The following ROBO2 variants were observed in gnomAD, a reference collection of about 807,000 sequenced individuals.
The protein encoded by ROBO2 is roundabout homolog 2.
Under a neutral mutation model 160.8 loss-of-function variants are expected in ROBO2, and 53 were observed. The observed-to-expected ratio is 0.33, with a 90% CI of 0.26 to 0.41. The LOEUF (loss-of-function observed/expected upper bound fraction) is 0.41. Ranked by LOEUF, ROBO2 falls within the 10% of genes least tolerant of loss-of-function variation. ROBO2 has a pLI of 1.00. For missense variants in ROBO2, 1,577 were observed against 1,722.4 expected, an observed-to-expected ratio of 0.92 and a Z score of 1.49; for synonymous variants, 664 against 611.7, an observed-to-expected ratio of 1.09 and a Z score of -1.26.
At chr3:76,105,386 G>A (rs1225978511) in intron 2 of ROBO2, among the ~76,000 whole-genome samples, 1 of 152,078 alleles carries the variant, frequency 6.6e-6, no homozygotes, top group Non-Finnish European at 1.5e-5. Flanking sequence ...CTTAAGAAAT[G>A]GAACATGTTG....
chr3:76,622,235 G>GAA (rs1343648585), intron 2 of ROBO2, among the ~76,000 whole-genome samples: 1 of 44,792 alleles, frequency 2.2e-5, no homozygotes, highest in Non-Finnish European at 4.2e-5. Flanking sequence ...AGGAAGGAAG[G>GAA]AAGAAAGAAA....
chr3:75,949,536 A>G (rs1337304745), intron 2 of ROBO2, among the ~76,000 whole-genome samples: 1 of 152,092 alleles, frequency 6.6e-6, no homozygotes, highest in Non-Finnish European at 1.5e-5. Context: ...TGTTCACTCA[A>G]CATGGACTGG....
chr3:76,066,178 A>T (rs995930804), intron 2 of ROBO2, among the ~76,000 whole-genome samples: 7 of 152,106 alleles, frequency 4.6e-5, no homozygotes, highest in African/African-American at 1.7e-4. Flanking sequence ...GTCATGATGA[A>T]TCATATTATA....
chr3:75,998,451 CA>C (rs1293757861), intron 2 of ROBO2, among the ~76,000 whole-genome samples: 8 of 152,288 alleles, frequency 5.3e-5, no homozygotes, highest in Middle Eastern at 3.4e-3. Flanking sequence ...TTTAAATGCA[CA>C]CTTACTGTGC....
intron 2 of ROBO2, among the ~76,000 whole-genome samples, chr3:76,209,004 C>T (rs923730176): frequency 2.0e-5 from 3 of 152,126 alleles, no homozygotes; most frequent in East Asian, 1.9e-4. Flanking sequence ...TTTATTACTA[C>T]TCCCAGGAAA....
At chr3:77,418,594 A>G (rs1377219003) in intron 2 of ROBO2, among the ~76,000 whole-genome samples, 1 of 152,108 alleles carries the variant, frequency 6.6e-6, no homozygotes, top group African/African-American at 2.4e-5. Flanking sequence ...AGCCACAAAG[A>G]AAAGTATTGT....
chr3:76,326,603 T>TTTTA lies in ROBO2; in HGVS notation c.109+389021_109+389024dup, dbSNP rs199582640. On this transcript the variant is annotated intron_variant, in intron 2 of 26. Coordinates refer to the ROBO2 transcript ENST00000487694. ...TTTATTCATATGCAGAATTATTATCTTTTATTTATTTATTTATTTATTTTT... is the reference window on the plus strand; with the variant it reads ...TTTATTCATATGCAGAATTATTATCTTTTATTTATTTATTTATTTATTTATTTTT... Among the ~76,000 whole-genome samples the TTTTA allele has an allele frequency of 2.7e-4, 40 of 150,592 alleles. No individual in the cohort carries two copies. The South Asian group carries it at 3.7e-3, about 14-fold the overall frequency.
At chr3:77,296,847 C>T (rs938871710) in intron 2 of ROBO2, among the ~76,000 whole-genome samples, 2 of 152,130 alleles carry the variant, frequency 1.3e-5, no homozygotes, top group Non-Finnish European at 2.9e-5. Context: ...GCCATTATAC[C>T]GGTTTGGTGC....
chr3:75,914,152 G>A (rs1946713336), intron 1 of ROBO2, among the ~76,000 whole-genome samples: 1 of 152,168 alleles, frequency 6.6e-6, no homozygotes, highest in Non-Finnish European at 1.5e-5. Context: ...GATGTGACAT[G>A]CTTTACTGGT....
At chr3:76,510,640 C>G (rs943075073) in intron 2 of ROBO2, among the ~76,000 whole-genome samples, 1 of 152,098 alleles carries the variant, frequency 6.6e-6, no homozygotes, top group Non-Finnish European at 1.5e-5. Flanking sequence ...AGGAGAATTA[C>G]TTGAACCTGG....
chr3:76,307,723 C>T (rs2071394028), intron 2 of ROBO2, among the ~76,000 whole-genome samples: 1 of 152,100 alleles, frequency 6.6e-6, no homozygotes, highest in Non-Finnish European at 1.5e-5. Flanking sequence ...GATTCAAATT[C>T]TAGCTCTGCT....
rs1426580701 is a variant in ROBO2, at chr3:76,233,806, T to C, written c.109+296204T>C. ...ACGTACACTCTTTTAGTTTACTTTT[T>C]TGTTATTTTGTTTTTAACTTTTATT... On this transcript the variant is annotated intron_variant, in intron 2 of 26. Transcript: ENST00000487694. Among the ~76,000 whole-genome samples the C allele has an allele frequency of 2.0e-5, 3 of 152,234 alleles. No homozygotes were observed. The East Asian group carries it at 5.8e-4, about 29-fold the overall frequency.
At chr3:76,710,444 G>C (rs1009652578) in intron 2 of ROBO2, among the ~76,000 whole-genome samples, 1 of 152,118 alleles carries the variant, frequency 6.6e-6, no homozygotes, top group Non-Finnish European at 1.5e-5. Context: ...TTCAGAAAAA[G>C]GCTAGGCTCA....
chr3:76,564,147 A>G (rs2108517037), intron 2 of ROBO2, among the ~76,000 whole-genome samples: 1 of 152,366 alleles, frequency 6.6e-6, no homozygotes, highest in Admixed American at 6.5e-5. Flanking sequence ...CGGAAGTTGC[A>G]GTAAGCCGAG....
chr3:77,336,050 CTCTG>C (rs1243612943), intron 2 of ROBO2, among the ~76,000 whole-genome samples: 1 of 152,142 alleles, frequency 6.6e-6, no homozygotes, highest in Non-Finnish European at 1.5e-5. Context: ...GTTCCAGTAA[CTCTG>C]TCTGAGAAAG....
At chr3:77,141,261 T>A (rs2076676085) in intron 2 of ROBO2, among the ~76,000 whole-genome samples, 1 of 151,872 alleles carries the variant, frequency 6.6e-6, no homozygotes, top group African/African-American at 2.4e-5. Context: ...CTTTATATGC[T>A]AAGATGGGAT....
chr3:76,311,794 A>G (rs186689686), intron 2 of ROBO2, among the ~76,000 whole-genome samples: 9 of 152,298 alleles, frequency 5.9e-5, no homozygotes, highest in South Asian at 4.1e-4. Flanking sequence ...TTGTGAACTG[A>G]TCAGAGGGAT....
chr3:76,827,031 A>T (rs978803658), intron 2 of ROBO2, among the ~76,000 whole-genome samples: 3 of 152,128 alleles, frequency 2.0e-5, no homozygotes, highest in African/African-American at 4.8e-5. Context: ...CAAATACTAC[A>T]CATTAACTTG....
At chr3:77,219,468 G>GTATATATATATATATATATA (rs34026358) in intron 2 of ROBO2, among the ~76,000 whole-genome samples, 5 of 122,232 alleles carry the variant, frequency 4.1e-5, no homozygotes, top group Non-Finnish European at 8.5e-5. Flanking sequence ...ATGTATCTGT[G>GTATATATATATATATATATA]TATATATATA....
Sources: gnomAD v4.1 joint callset for allele counts (sites outside exome capture counted in the v4.1 genomes callset) on GRCh38, gnomAD v4.1.1 for gene constraint, MANE v1.5 for transcripts, NCBI Gene and HGNC (gene_info 2026-07-23, HGNC 2026-07-21) for gene names.